MGLL: variants seen among roughly 807,000 people sequenced by gnomAD.
MGLL encodes lysophospholipase homolog.
MGLL carries 7 observed loss-of-function variants against 29.1 expected under a neutral mutation model. That is an observed-to-expected ratio of 0.24 (90% CI 0.14 to 0.45). The LOEUF (loss-of-function observed/expected upper bound fraction) is 0.45. MGLL is among the 20% of genes least tolerant of loss of function. MGLL has a pLI of 0.99. For missense variants in MGLL, 356 were observed against 413.6 expected, an observed-to-expected ratio of 0.86 and a Z score of 1.21; for synonymous variants, 148 against 168.3, an observed-to-expected ratio of 0.88 and a Z score of 0.93.
At chr3:127,775,229 G>T (rs1403656796) in intron 3 of MGLL, among the ~76,000 whole-genome samples, 2 of 151,998 alleles carry the variant, frequency 1.3e-5, no homozygotes, top group Non-Finnish European at 2.9e-5. Context: ...CTCGGAGTTG[G>T]GCCCCCAAGG....
intron 2 of MGLL, among the ~76,000 whole-genome samples, chr3:127,801,959 A>G (rs2077486868): frequency 6.6e-6 from 1 of 151,992 alleles, no homozygotes; most frequent in Non-Finnish European, 1.5e-5. Flanking sequence ...ACAGCCCTCT[A>G]TTTCTTATTT....
chr3:127,821,859 T>A, intron 1 of MGLL, 21 bp from the exon 2 acceptor site: 1 of 1,610,524 alleles, frequency 6.2e-7, no homozygotes, highest in Non-Finnish European at 8.5e-7. Context: ...AAGTGACATA[T>A]TCCAAAGTCA....
intron 7 of MGLL, among the ~76,000 whole-genome samples, chr3:127,694,525 C>T (rs993188224): frequency 2.0e-5 from 3 of 151,998 alleles, no homozygotes; most frequent in East Asian, 1.9e-4. Context: ...GCTCCCTTCA[C>T]GGATCAGGCT....
chr3:127,704,525 C>T (rs1350741517), intron 6 of MGLL, among the ~76,000 whole-genome samples: 2 of 152,056 alleles, frequency 1.3e-5, no homozygotes, highest in Non-Finnish European at 2.9e-5. Flanking sequence ...CCAGAATCTA[C>T]AAGGAATTTA....
At chr3:127,811,550 T>C (rs1370954117) in intron 2 of MGLL, among the ~76,000 whole-genome samples, 1 of 152,210 alleles carries the variant, frequency 6.6e-6, no homozygotes, top group African/African-American at 2.4e-5. Context: ...CACAAAATAT[T>C]CTCTCCTCCA....
At chr3:127,760,678 C>T (rs1018443833) in intron 3 of MGLL, among the ~76,000 whole-genome samples, 1 of 152,236 alleles carries the variant, frequency 6.6e-6, no homozygotes, top group Non-Finnish European at 1.5e-5. Flanking sequence ...CCACGCCAAG[C>T]TGCTCAGAGG....
intron 5 of MGLL, among the ~76,000 whole-genome samples, chr3:127,719,601 C>T (rs2075880426): frequency 6.6e-6 from 1 of 152,232 alleles, no homozygotes; most frequent in African/African-American, 2.4e-5. Context: ...AACGCCCCTG[C>T]TGCTGAGTCT....
chr3:127,808,012 G>A (rs573579151), intron 2 of MGLL, among the ~76,000 whole-genome samples: 18 of 151,940 alleles, frequency 1.2e-4, no homozygotes, highest in East Asian at 3.9e-4. Flanking sequence ...CACCCGCCTC[G>A]GCCTCCCAAA....
At chr3:127,774,453 T>C (rs2076998875) in intron 3 of MGLL, among the ~76,000 whole-genome samples, 1 of 152,186 alleles carries the variant, frequency 6.6e-6, no homozygotes, top group African/African-American at 2.4e-5. Context: ...CTAGAACAGT[T>C]AGGAGTGCAG....
chr3:127,792,579 T>C (rs2077318842), intron 2 of MGLL, among the ~76,000 whole-genome samples: 1 of 152,160 alleles, frequency 6.6e-6, no homozygotes, highest in Non-Finnish European at 1.5e-5. Context: ...GGCACACGCC[T>C]GTAGTCCCAG....
chr3:127,707,853 G>T (rs559179212), intron 6 of MGLL, among the ~76,000 whole-genome samples: 2 of 152,354 alleles, frequency 1.3e-5, no homozygotes, highest in African/African-American at 4.8e-5. Flanking sequence ...AGTGAAGAGA[G>T]CCCACTAGCA....
intron 5 of MGLL, chr3:127,711,265 G>A (rs140014514): frequency 6.9e-5 from 12 of 174,064 alleles, no homozygotes; most frequent in Admixed American, 2.2e-4. Context: ...CTGAGCCTCC[G>A]TTTCCTCAGC....
At chr3:127,735,634 G>A (rs1045370544) in intron 3 of MGLL, 14 of 1,447,482 alleles carry the variant, frequency 9.7e-6, no homozygotes, top group Non-Finnish European at 1.3e-5. Context: ...TTCCAAGATT[G>A]TAGTTACCTC....
At chr3:127,693,775 GTC>G (rs1159666760) in intron 7 of MGLL, among the ~76,000 whole-genome samples, 1 of 152,206 alleles carries the variant, frequency 6.6e-6, no homozygotes, top group Non-Finnish European at 1.5e-5. Flanking sequence ...GCCTTTGCCT[GTC>G]TTGTTCTCTG....
intron 2 of MGLL, among the ~76,000 whole-genome samples, chr3:127,785,539 C>T (rs1342657759): frequency 6.6e-6 from 1 of 152,232 alleles, no homozygotes; most frequent in Non-Finnish European, 1.5e-5. Flanking sequence ...AAATGCACAT[C>T]CCAGTTGCTG....
intron 3 of MGLL, among the ~76,000 whole-genome samples, chr3:127,762,255 G>C (rs998493972): frequency 6.6e-6 from 1 of 151,694 alleles, no homozygotes; most frequent in Non-Finnish European, 1.5e-5. Flanking sequence ...AGCTCTCCGC[G>C]TCCTCCCCGC....
intron 6 of MGLL, among the ~76,000 whole-genome samples, chr3:127,709,281 G>C (rs375411579): frequency 3.9e-5 from 6 of 152,294 alleles, no homozygotes; most frequent in African/African-American, 1.4e-4. Flanking sequence ...GGCACTGTGG[G>C]CTTTAAAAAC....
chr3:127,733,143 G>A lies in MGLL; in HGVS notation c.263-10577C>T, dbSNP rs184873527. ...TAAAACCGGTTGCAGTAAAGAAGCC[G>A]GCTAAAACCCACCAAAACCAAGATG... On this transcript the variant is annotated intron_variant, in intron 3 of 7. Coordinates refer to ENST00000265052, the MANE Select transcript of MGLL (RefSeq NM_007283.7). Among the ~76,000 whole-genome samples the A allele has an allele frequency of 4.9e-4, 74 of 152,256 alleles. No homozygotes were observed. In the Middle Eastern group the frequency reaches 0.01, roughly 21 times the overall value.
chr3:127,728,447 C>T (rs1040740572), intron 3 of MGLL, among the ~76,000 whole-genome samples: 2 of 152,152 alleles, frequency 1.3e-5, no homozygotes, highest in Non-Finnish European at 2.9e-5. Flanking sequence ...TGCCACATAT[C>T]CTACTCTAGA....
Sources: gnomAD v4.1 joint callset for allele counts (sites outside exome capture counted in the v4.1 genomes callset) on GRCh38, gnomAD v4.1.1 for gene constraint, MANE v1.5 for transcripts, NCBI Gene and HGNC (gene_info 2026-07-23, HGNC 2026-07-21) for gene names.